NECTIN3: variants seen among roughly 807,000 people sequenced by gnomAD.
The protein encoded by NECTIN3 is nectin-3.
NECTIN3 carries 8 observed loss-of-function variants against 49.4 expected under a neutral mutation model. That is an observed-to-expected ratio of 0.16 (90% CI 0.10 to 0.29). The LOEUF (loss-of-function observed/expected upper bound fraction) is 0.29, where lower values mean the gene tolerates loss of function less well. Ranked by LOEUF, NECTIN3 falls within the 10% of genes least tolerant of loss-of-function variation. The probability of loss-of-function intolerance (pLI) is 1.00; values close to 1 mark genes in which losing one functional copy is unlikely to be tolerated. For missense variants in NECTIN3, 581 were observed against 654.6 expected, an observed-to-expected ratio of 0.89 and a Z score of 1.23; for synonymous variants, 277 against 241.1, an observed-to-expected ratio of 1.15 and a Z score of -1.38.
intron 1 of NECTIN3, chr3:111,077,227 G>A: frequency 2.3e-6 from 1 of 442,280 alleles, no homozygotes; most frequent in South Asian, 1.6e-5. Context: ...ACTATTGACT[G>A]CCCACCATTC....
At chr3:111,121,337 C>T (rs2033944522) in intron 3 of NECTIN3, among the ~76,000 whole-genome samples, 1 of 151,966 alleles carries the variant, frequency 6.6e-6, no homozygotes. Flanking sequence ...TTTCTAAGTG[C>T]CATGCCTGGC....
intron 1 of NECTIN3, among the ~76,000 whole-genome samples, chr3:111,103,733 A>G (rs1404173539): frequency 1.3e-5 from 2 of 152,114 alleles, no homozygotes; most frequent in African/African-American, 4.8e-5. Flanking sequence ...TTCTGATCTT[A>G]ACTGGAAAGA....
chr3:111,087,445 G>A (rs1233035971), intron 1 of NECTIN3, among the ~76,000 whole-genome samples: 1 of 152,068 alleles, frequency 6.6e-6, no homozygotes, highest in Non-Finnish European at 1.5e-5. Flanking sequence ...TGGAGGTCAG[G>A]AGTTCAAGAC....
intron 1 of NECTIN3, among the ~76,000 whole-genome samples, chr3:111,091,363 T>C (rs751374915): frequency 5.3e-5 from 8 of 152,136 alleles, no homozygotes; most frequent in Non-Finnish European, 7.4e-5. Flanking sequence ...TCACGCCATC[T>C]CCTGCCTCAG....
chr3:111,126,379 C>A, intron 5 of NECTIN3, 44 bp downstream of exon 5: 1 of 1,486,150 alleles, frequency 6.7e-7, no homozygotes, highest in Non-Finnish European at 9.2e-7. Flanking sequence ...TAAAATATTT[C>A]TGAATAATCA....
intron 7 of NECTIN3, among the ~76,000 whole-genome samples, chr3:111,175,965 G>C (rs1226133869): frequency 1.3e-5 from 2 of 152,154 alleles, no homozygotes; most frequent in Non-Finnish European, 2.9e-5. Context: ...TTGTTACAGT[G>C]AAAATGTTCC....
chr3:111,083,290 A>G (rs1448659394), intron 1 of NECTIN3, among the ~76,000 whole-genome samples: 3 of 152,164 alleles, frequency 2.0e-5, no homozygotes, highest in Non-Finnish European at 4.4e-5. Flanking sequence ...GTTGTTATGG[A>G]CTGAAAGTTT....
chr3:111,077,322 A>T (rs1414317968), intron 1 of NECTIN3: 2 of 230,818 alleles, frequency 8.7e-6, no homozygotes, highest in Non-Finnish European at 9.7e-6. Context: ...TGTGTAAAAA[A>T]CTTTGGTTTC....
intron 7 of NECTIN3, among the ~76,000 whole-genome samples, chr3:111,186,948 C>T (rs2035730581): frequency 6.6e-6 from 1 of 152,090 alleles, no homozygotes; most frequent in Non-Finnish European, 1.5e-5. Context: ...ATATATTAGT[C>T]ACCAAACATA....
intron 5 of NECTIN3, among the ~76,000 whole-genome samples, chr3:111,131,819 C>CTTT (rs1307074709): frequency 6.6e-6 from 1 of 151,650 alleles, no homozygotes; most frequent in Non-Finnish European, 1.5e-5. Context: ...AAAAAACTAG[C>CTTT]ATATAAAGAA....
intron 1 of NECTIN3, 48 bp from the exon 2 acceptor site, chr3:111,111,982 C>A: frequency 7.4e-7 from 1 of 1,349,454 alleles, no homozygotes. Flanking sequence ...AGAGTGTTGA[C>A]CACTTTTTTC....
intron 1 of NECTIN3, among the ~76,000 whole-genome samples, chr3:111,098,164 A>G (rs922486672): frequency 2.6e-5 from 4 of 152,314 alleles, no homozygotes; most frequent in Non-Finnish European, 1.5e-5. Context: ...CTAAACTAAC[A>G]CTGATTCTAG....
In NECTIN3 at chr3:111,136,680, AAAAT is replaced by A. The variant is rs532374942; in HGVS notation, c.*2466_*2469del. The A allele has an allele frequency of 1.4e-3, 1,233 of 912,154 alleles. 8 individuals carry two copies. In the African/African-American group the frequency reaches 0.02, roughly 15 times the overall value. The allele number at this position is 912,154 out of a possible 1,614,324, so 56.5% of individuals were successfully genotyped here. A position where few individuals can be genotyped will look rare whatever the true frequency, so the allele number is the denominator to read the frequency against. ...TATGAAAATTCTACTATCGTGAAAA[AAAAT>A]GAATATTTGTACTATTTTTGGCCAT... is the stretch of plus-strand genomic sequence containing the variant. On this transcript the variant is annotated 3_prime_UTR_variant, in exon 6 of 6. Coordinates refer to ENST00000485303, the MANE Select transcript of NECTIN3 (RefSeq NM_015480.3).
chr3:111,072,294 A>T, intron 1 of NECTIN3, 117 bp downstream of exon 1: 4 of 1,446,194 alleles, frequency 2.8e-6, no homozygotes, highest in Non-Finnish European at 3.6e-6. Context: ...TGTGCGAGCG[A>T]GTGCCGAGGA....
At chr3:111,165,446 A>G (rs1429540693) in intron 7 of NECTIN3, among the ~76,000 whole-genome samples, 1 of 152,114 alleles carries the variant, frequency 6.6e-6, no homozygotes, top group African/African-American at 2.4e-5. Flanking sequence ...GATCTTTACT[A>G]CTTAGAGAAT....
In NECTIN3 at chr3:111,137,164, A is replaced by G; in HGVS notation, c.*2949A>G. The G allele has an allele frequency of 2.1e-6, 2 of 952,068 alleles. No individual in the cohort carries two copies. The highest frequency in any genetic ancestry group is 2.5e-6 in the Non-Finnish European group (2 of 799,778). 59.0% of individuals were successfully genotyped at this position (952,068 alleles called of 1,614,324 possible). A position where few individuals can be genotyped will look rare whatever the true frequency, so the allele number is the denominator to read the frequency against. The stretch of plus-strand genomic sequence containing the variant: ...TGAAAACATCTGATTTGAGTTTTTG[A>G]TAAATACTGCTAAAACACAGTATAT... On this transcript the variant is annotated 3_prime_UTR_variant, in exon 6 of 6. Coordinates refer to ENST00000485303, the MANE Select transcript of NECTIN3 (RefSeq NM_015480.3).
intron 7 of NECTIN3, among the ~76,000 whole-genome samples, chr3:111,172,562 G>A (rs1308287103): frequency 6.6e-6 from 1 of 152,098 alleles, no homozygotes. Flanking sequence ...ATGGTATTGT[G>A]TTCAAAAATG....
chr3:111,084,455 T>C (rs1451725760), intron 1 of NECTIN3, among the ~76,000 whole-genome samples: 1 of 152,224 alleles, frequency 6.6e-6, no homozygotes, highest in Non-Finnish European at 1.5e-5. Context: ...TACTAGAGAC[T>C]ATTCTAGGTA....
chr3:111,137,575 G>T (rs1325398383), downstream of NECTIN3: 4 of 829,456 alleles, frequency 4.8e-6, no homozygotes, highest in African/African-American at 7.7e-5. Context: ...TCTGTAATAA[G>T]TTCATTGCTC....
Sources: allele counts gnomAD v4.1 joint callset (sites outside exome capture counted in the v4.1 genomes callset), GRCh38; gene constraint gnomAD v4.1.1; transcripts MANE v1.5; gene names NCBI Gene and HGNC (gene_info 2026-07-23, HGNC 2026-07-21).